The following FARP2 variants were observed in gnomAD, a reference collection of about 807,000 sequenced individuals.
The protein encoded by FARP2 is FERM, ARHGEF and pleckstrin domain-containing protein 2.
In FARP2, 111 loss-of-function variants were observed where a neutral mutation model predicts 130.5. The observed-to-expected ratio is 0.85, with a 90% CI of 0.73 to 1.00. The LOEUF is 1.00. FARP2 is among the 50% of genes least tolerant of loss of function. FARP2 has a pLI of 0.00. For missense variants in FARP2, 1,385 were observed against 1,346.3 expected, an observed-to-expected ratio of 1.03 and a Z score of -0.45; for synonymous variants, 504 against 516.9, an observed-to-expected ratio of 0.98 and a Z score of 0.34.
chr2:241,462,693 T>C (rs1032080747), intron 15 of FARP2, 81 bp downstream of exon 15: 2 of 988,732 alleles, frequency 2.0e-6, no homozygotes, highest in African/African-American at 1.6e-5. Context: ...CTTTTTTTTC[T>C]TTTTTTCTTT....
At chr2:241,457,046 G>A (rs1015046242) in intron 14 of FARP2, 124 bp downstream of exon 14, 15 of 802,034 alleles carry the variant, frequency 1.9e-5, no homozygotes, top group South Asian at 4.2e-5. Flanking sequence ...ACTCACAGCC[G>A]CCTTACCAGC....
chr2:241,472,777 C>A (rs950677310), intron 18 of FARP2, among the ~76,000 whole-genome samples: 1 of 147,682 alleles, frequency 6.8e-6, no homozygotes, highest in African/African-American at 2.5e-5. Flanking sequence ...GTGGGAGATG[C>A]TGTTCTGAAG....
chr2:241,381,658 A>G (rs539728835), intron 2 of FARP2, among the ~76,000 whole-genome samples: 1 of 152,218 alleles, frequency 6.6e-6, no homozygotes, highest in Non-Finnish European at 1.5e-5. Context: ...CTTTTTAGGT[A>G]TAGAAAGTAG....
In FARP2 at chr2:241,413,166, T is replaced by C. The variant is rs144340200; in HGVS notation, c.509-141T>C. 9.7e-3 allele frequency: 5,526 copies of C among 569,874 alleles called. 55 individuals carry two copies. The highest frequency in any genetic ancestry group is 0.073 in the Middle Eastern group (172 of 2,362). The allele number at this position is 569,874 out of a possible 1,614,324, so 35.3% of individuals were successfully genotyped here. On this transcript the variant is annotated intron_variant, in intron 6 of 26. Coordinates refer to ENST00000264042, the MANE Select transcript of FARP2 (RefSeq NM_014808.4). ...GCATAAAATATTTGGAAAAATTAAA[T>C]AAAAAATCTTGCTTTTTTAGGGATA...
At chr2:241,453,782 T>G (rs1444882343) in intron 13 of FARP2, among the ~76,000 whole-genome samples, 7 of 116,410 alleles carry the variant, frequency 6.0e-5, no homozygotes, top group East Asian at 2.7e-4. Context: ...TTTTTTTTTT[T>G]TTTTTTTTTT....
chr2:241,493,784 A>C, intron 26 of FARP2: 1 of 484,336 alleles, frequency 2.1e-6, no homozygotes, highest in South Asian at 3.5e-5. Flanking sequence ...TTTAGTAGAG[A>C]CAGGGTTTCA....
intron 14 of FARP2, 39 bp downstream of exon 14, chr2:241,456,961 AG>A (rs760736686): frequency 2.6e-6 from 4 of 1,520,442 alleles, no homozygotes; most frequent in South Asian, 1.3e-5. Context: ...AGAGGGTTGC[AG>A]GGTGGGCCTG....
At chr2:241,369,622 A>G (rs1005641717) in intron 1 of FARP2, among the ~76,000 whole-genome samples, 1 of 152,088 alleles carries the variant, frequency 6.6e-6, no homozygotes, top group South Asian at 2.1e-4. Flanking sequence ...TTTTAAAGCT[A>G]TACTTAAGAA....
intron 8 of FARP2, among the ~76,000 whole-genome samples, chr2:241,426,569 G>A (rs1194710419): frequency 6.6e-6 from 1 of 152,194 alleles, no homozygotes; most frequent in Non-Finnish European, 1.5e-5. Context: ...ACGGGTGAAT[G>A]AATGGATGCA....
Position 241,483,395 on chromosome 2 carries a change from C to T in FARP2, c.2263-70C>T, listed in dbSNP as rs764852180. On this transcript the variant is annotated intron_variant, in intron 19 of 26. Transcript: ENST00000264042. ...AGCGGCCACAAGGCTATTCCTGACC[C>T]TCAGCCCGGCTAGTGCATCCGCCAG... 17 of 1,347,082 alleles carry T rather than the reference C, an allele frequency of 1.3e-5. No individual in the cohort carries two copies. The Admixed American group carries it at 1.5e-4, about 12-fold the overall frequency. The allele number at this position is 1,347,082 out of a possible 1,614,324, so 83.4% of individuals were successfully genotyped here.
chr2:241,456,588 A>G, intron 13 of FARP2, 159 bp from the exon 14 acceptor site: 2 of 675,490 alleles, frequency 3.0e-6, no homozygotes, highest in East Asian at 2.8e-5. Flanking sequence ...TCATGTTTAG[A>G]ATTGTGTGTG....
chr2:241,464,748 C>T (rs1260792777), intron 17 of FARP2, among the ~76,000 whole-genome samples: 1 of 151,980 alleles, frequency 6.6e-6, no homozygotes, highest in African/African-American at 2.4e-5. Flanking sequence ...GAACAAGGTT[C>T]CCCAGAACAG....
chr2:241,411,154 G>T (rs776383674), intron 6 of FARP2, 24 bp downstream of exon 6: 2 of 1,524,348 alleles, frequency 1.3e-6, no homozygotes, highest in African/African-American at 2.7e-5. Context: ...CGCCAGCGGG[G>T]AGCATTCACT....
chr2:241,385,091 T>C (rs2061753639), intron 2 of FARP2, among the ~76,000 whole-genome samples: 2 of 152,102 alleles, frequency 1.3e-5, no homozygotes, highest in South Asian at 4.1e-4. Context: ...ATCTTGCGAG[T>C]CTTTCATCAG....
intron 10 of FARP2, 114 bp from the exon 11 acceptor site, chr2:241,434,848 A>T: frequency 1.4e-6 from 1 of 716,842 alleles, no homozygotes; most frequent in Non-Finnish European, 2.5e-6. Flanking sequence ...AAAATAAAAT[A>T]TATGTGTGTA....
At position 241,370,737 on chromosome 2, in the gene FARP2, A is replaced by G. The variant is rs551377056; in HGVS notation, c.-24-2347A>G. On this transcript the variant is annotated intron_variant, in intron 1 of 26. Coordinates refer to ENST00000264042, the MANE Select transcript of FARP2 (RefSeq NM_014808.4). ...AAAGTGTTGTTCTGTTTGTGGTTGT[A>G]GTCTTTTGTCTTTTGCTGTTATCAT... 3.3e-5 allele frequency among the ~76,000 whole-genome samples: 5 copies of G among 152,302 alleles called. No homozygotes were observed. The East Asian group carries it at 9.6e-4, about 29-fold the overall frequency.
chr2:241,364,067 T>C (rs2061250559), intron 1 of FARP2, among the ~76,000 whole-genome samples: 1 of 152,156 alleles, frequency 6.6e-6, no homozygotes, highest in Non-Finnish European at 1.5e-5. Context: ...GCAGATGTAA[T>C]GAAGGGTACG....
At chr2:241,395,555 G>A (rs2150335428) in intron 2 of FARP2, 1 of 152,310 alleles carries the variant, frequency 6.6e-6, no homozygotes, top group Non-Finnish European at 1.5e-5. Context: ...GTGGTCACCT[G>A]GCTGGTTTGC....
chr2:241,361,482 C>T (rs1019810629), intron 1 of FARP2, among the ~76,000 whole-genome samples: 3 of 152,158 alleles, frequency 2.0e-5, no homozygotes, highest in Admixed American at 6.5e-5. Context: ...CCCAAGCTAC[C>T]TGACATGAAG....
Sources: gnomAD v4.1 joint callset for allele counts (sites outside exome capture counted in the v4.1 genomes callset) on GRCh38, gnomAD v4.1.1 for gene constraint, MANE v1.5 for transcripts, NCBI Gene and HGNC (gene_info 2026-07-23, HGNC 2026-07-21) for gene names.